SLC9C1: variants seen among roughly 807,000 people sequenced by gnomAD.
SLC9C1 encodes the protein solute carrier family 9 member C1.
Under a neutral mutation model 140.9 loss-of-function variants are expected in SLC9C1, and 97 were observed. That is an observed-to-expected ratio of 0.69 (90% CI 0.58 to 0.82). SLC9C1 has a LOEUF of 0.82. Ranked by LOEUF, SLC9C1 falls within the 40% of genes least tolerant of loss-of-function variation. SLC9C1 has a pLI of 0.00. For synonymous variants in SLC9C1, 440 were observed against 442.6 expected (o/e 0.99, Z 0.07); for missense variants, 1,340 against 1,389.3 (o/e 0.96, Z 0.56).
At chr3:112,241,422 TA>T (rs1401164971) in intron 11 of SLC9C1, among the ~76,000 whole-genome samples, 1 of 152,140 alleles carries the variant, frequency 6.6e-6, no homozygotes, top group Admixed American at 6.5e-5. Context: ...AGGCGAACTA[TA>T]AAACACTGTG....
intron 10 of SLC9C1, among the ~76,000 whole-genome samples, chr3:112,254,522 T>TC (rs1553699567): frequency 1.3e-5 from 2 of 151,822 alleles, no homozygotes; most frequent in Admixed American, 1.3e-4. Flanking sequence ...AAATTTTTTT[T>TC]ATTTCAGATA....
rs554211523 is a variant in SLC9C1 at position 112,181,868 on chromosome 3, T to C, written c.2649+265A>G. ...TGAATGGAATTAGAAAAACATGTAA[T>C]GTGCATGGAACACCATGAGTGGTTC... On this transcript the variant is annotated intron_variant, in intron 21 of 28. Coordinates refer to ENST00000305815, the MANE Select transcript of SLC9C1 (RefSeq NM_183061.3). 2.6e-5 allele frequency among the ~76,000 whole-genome samples: 4 copies of C among 151,886 alleles called. No homozygotes were observed. In the South Asian group the frequency reaches 8.3e-4, roughly 32 times the overall value.
In SLC9C1 at chr3:112,179,541, G is replaced by GTT. The variant is rs2077399923; in HGVS notation, c.2907_2908dup (p.Thr970LysfsTer3). 1 of 1,603,420 alleles carries GTT rather than the reference G, an allele frequency of 6.2e-7. No individual in the cohort carries two copies. Among genetic ancestry groups the GTT allele is most frequent in the Admixed American group, 1.7e-5 (1 of 58,124 alleles). ...CGAAGTTTTTCTGACCTCCACTACA[G>GTT]TTTTGCAGGTGGCAGAATATTTCAT... On this transcript the variant is annotated frameshift_variant, in exon 23 of 29. Coordinates refer to ENST00000305815, the MANE Select transcript of SLC9C1 (RefSeq NM_183061.3). LOFTEE classifies it high-confidence loss of function.
chr3:112,231,252 C>A, intron 13 of SLC9C1, 109 bp downstream of exon 13: 2 of 1,344,974 alleles, frequency 1.5e-6, no homozygotes, highest in Non-Finnish European at 2.0e-6. Context: ...TTCCCTTTGC[C>A]TTTGTAAACA....
At chr3:112,156,800 T>G (rs2075139039) in intron 26 of SLC9C1, among the ~76,000 whole-genome samples, 1 of 152,126 alleles carries the variant, frequency 6.6e-6, no homozygotes, top group Non-Finnish European at 1.5e-5. Flanking sequence ...TTTTTTCGTC[T>G]ATCTGTTGGT....
intron 9 of SLC9C1, among the ~76,000 whole-genome samples, chr3:112,263,821 C>G (rs935935547): frequency 6.3e-4 from 96 of 151,866 alleles, no homozygotes; most frequent in African/African-American, 2.3e-3. Context: ...ACAAAGAGGG[C>G]TTCCCTATGA....
At chr3:112,268,726 T>C (rs1461444219) in intron 7 of SLC9C1, among the ~76,000 whole-genome samples, 1 of 152,186 alleles carries the variant, frequency 6.6e-6, no homozygotes. Flanking sequence ...GTATAAATGT[T>C]CCCCCTTATT....
chr3:112,199,257 C>CT, intron 20 of SLC9C1, 64 bp downstream of exon 20: 1 of 1,310,388 alleles, frequency 7.6e-7, no homozygotes, highest in Non-Finnish European at 1.0e-6. Flanking sequence ...CAAATGTAGC[C>CT]TTGAAGGTCA....
At chr3:112,177,889 A>G (rs2107946083) in intron 23 of SLC9C1, among the ~76,000 whole-genome samples, 1 of 151,100 alleles carries the variant, frequency 6.6e-6, no homozygotes, top group African/African-American at 2.4e-5. Flanking sequence ...GGTATCATAA[A>G]TATATAATTT....
chr3:112,194,526 C>G (rs2077730467), intron 20 of SLC9C1, among the ~76,000 whole-genome samples: 1 of 152,124 alleles, frequency 6.6e-6, no homozygotes, highest in Non-Finnish European at 1.5e-5. Flanking sequence ...TGCCATCTTG[C>G]CTATGTCACT....
intron 20 of SLC9C1, chr3:112,185,758 T>A: frequency 6.5e-7 from 1 of 1,543,142 alleles, no homozygotes; most frequent in Non-Finnish European, 8.7e-7. Context: ...GGGCTGTCCT[T>A]CAGGGAGGGC....
chr3:112,145,518 T>C (rs2074760309), intron 28 of SLC9C1, among the ~76,000 whole-genome samples: 1 of 151,854 alleles, frequency 6.6e-6, no homozygotes, highest in African/African-American at 2.4e-5. Context: ...TTGAAATAGT[T>C]TCAGTAGAAT....
intron 26 of SLC9C1, among the ~76,000 whole-genome samples, chr3:112,161,392 T>G (rs1420087858): frequency 6.6e-6 from 1 of 152,238 alleles, no homozygotes; most frequent in Non-Finnish European, 1.5e-5. Context: ...TCTAGGGTTT[T>G]TATGGTTTTA....
chr3:112,221,105 C>T, intron 14 of SLC9C1, 23 bp downstream of exon 14: 1 of 1,590,810 alleles, frequency 6.3e-7, no homozygotes, highest in Non-Finnish European at 8.6e-7. Context: ...AGAATAGAAG[C>T]CATCTCTTGA....
At chr3:112,221,068 TGG>T in intron 14 of SLC9C1, 58 bp downstream of exon 14, 2 of 1,396,592 alleles carry the variant, frequency 1.4e-6, no homozygotes, top group Non-Finnish European at 2.0e-6. Flanking sequence ...AAAACTCACT[TGG>T]GTAATTTCCT....
At chr3:112,261,827 T>C (rs2079780921) in intron 10 of SLC9C1, among the ~76,000 whole-genome samples, 1 of 152,056 alleles carries the variant, frequency 6.6e-6, no homozygotes. Flanking sequence ...CTCATAATAA[T>C]GCTTTGTGAA....
chr3:112,214,834 A>G (rs2108092244), intron 15 of SLC9C1, among the ~76,000 whole-genome samples: 1 of 152,382 alleles, frequency 6.6e-6, no homozygotes, highest in South Asian at 2.1e-4. Flanking sequence ...ATAGAAAAAG[A>G]GGGAATCCTC....
intron 20 of SLC9C1, among the ~76,000 whole-genome samples, chr3:112,186,910 T>G (rs958522961): frequency 3.9e-5 from 6 of 152,232 alleles, no homozygotes; most frequent in Admixed American, 1.3e-4. Context: ...GAAAAATTGC[T>G]AACTTTAACC....
chr3:112,234,427 T>A (rs2078925617), intron 12 of SLC9C1, among the ~76,000 whole-genome samples: 1 of 152,068 alleles, frequency 6.6e-6, no homozygotes. Flanking sequence ...TTCTGTAGGC[T>A]GCCTGTTCAC....
Sources: gnomAD v4.1 joint callset for allele counts (sites outside exome capture counted in the v4.1 genomes callset) on GRCh38, gnomAD v4.1.1 for gene constraint, MANE v1.5 for transcripts, NCBI Gene and HGNC (gene_info 2026-07-23, HGNC 2026-07-21) for gene names.